Variants in CDH8 observed in about 807,000 individuals in gnomAD.
CDH8 encodes cadherin-8.
In CDH8, 17 loss-of-function variants were observed where a neutral mutation model predicts 68.1. The observed-to-expected ratio is 0.25, with a 90% CI of 0.17 to 0.37. CDH8 has a LOEUF of 0.37. Ranked by LOEUF, CDH8 falls within the 10% of genes least tolerant of loss-of-function variation. CDH8 has a pLI of 1.00. For missense variants in CDH8, 763 were observed against 999.3 expected (o/e 0.76, Z 3.19); for synonymous variants, 372 against 365.1 (o/e 1.02, Z -0.21).
At chr16:61,773,536 T>C (rs1275380666) in intron 8 of CDH8, among the ~76,000 whole-genome samples, 1 of 152,034 alleles carries the variant, frequency 6.6e-6, no homozygotes, top group East Asian at 1.9e-4. Context: ...TACTATGTTT[T>C]TGGCAAGAAT....
At chr16:61,716,907 T>C (rs764965620) in intron 9 of CDH8, among the ~76,000 whole-genome samples, 1 of 151,688 alleles carries the variant, frequency 6.6e-6, no homozygotes, top group African/African-American at 2.4e-5. Flanking sequence ...GAAATAACTT[T>C]TGAATGCACT....
At chr16:61,850,644 C>A (rs752820503) in intron 4 of CDH8, among the ~76,000 whole-genome samples, 33 of 151,964 alleles carry the variant, frequency 2.2e-4, no homozygotes, top group Non-Finnish European at 3.4e-4. Flanking sequence ...TCACCCTGAT[C>A]ACCAATTTAT....
rs538933369 is a variant in CDH8, at chr16:61,702,385, AAAAAAAG to A, written c.1654+11449_1654+11455del. 7.9e-5 allele frequency among the ~76,000 whole-genome samples: 12 copies of A among 152,050 alleles called. No individual in the cohort carries two copies. The South Asian group carries it at 1.2e-3, about 16-fold the overall frequency. ...AGACTCCGTCTCAAAAAAAGAAAAA[AAAAAAAG>A]AAAAAAGAAAAATAAGTCAGTCATA... On this transcript the variant is annotated intron_variant, in intron 10 of 11. Transcript: ENST00000577390.
chr16:61,897,393 C>T (rs1010115039), intron 3 of CDH8, among the ~76,000 whole-genome samples: 1 of 152,136 alleles, frequency 6.6e-6, no homozygotes, highest in African/African-American at 2.4e-5. Context: ...GCTGGGATTA[C>T]AGGCATATGC....
At chr16:61,875,402 G>C (rs1963441391) in intron 3 of CDH8, among the ~76,000 whole-genome samples, 1 of 152,066 alleles carries the variant, frequency 6.6e-6, no homozygotes, top group Non-Finnish European at 1.5e-5. Flanking sequence ...CTGAGGGCAA[G>C]ACCCAGAAGC....
intron 2 of CDH8, among the ~76,000 whole-genome samples, chr16:62,002,466 T>C (rs1243625433): frequency 6.6e-6 from 1 of 152,222 alleles, no homozygotes; most frequent in African/African-American, 2.4e-5. Context: ...TACATGAGTG[T>C]ATACCTCATA....
chr16:61,793,266 GA>G (rs1483756539), intron 7 of CDH8, among the ~76,000 whole-genome samples: 3 of 151,510 alleles, frequency 2.0e-5, no homozygotes, highest in Admixed American at 1.3e-4. Flanking sequence ...AACTTTATTT[GA>G]AGTTCAGAGT....
At chr16:61,993,692 C>G (rs969747920) in intron 2 of CDH8, among the ~76,000 whole-genome samples, 10 of 152,164 alleles carry the variant, frequency 6.6e-5, no homozygotes, top group Non-Finnish European at 1.5e-4. Context: ...GAAGCAACTA[C>G]TGTTATCAAG....
intron 2 of CDH8, among the ~76,000 whole-genome samples, chr16:61,935,119 G>A (rs183842427): frequency 6.6e-6 from 1 of 152,264 alleles, no homozygotes; most frequent in African/African-American, 2.4e-5. Context: ...TGACATTATT[G>A]ATGATAATAC....
intron 2 of CDH8, among the ~76,000 whole-genome samples, chr16:62,017,895 C>T (rs1175710836): frequency 6.6e-6 from 1 of 152,106 alleles, no homozygotes; most frequent in Non-Finnish European, 1.5e-5. Context: ...ATCACCTCCA[C>T]ACTATACAAC....
At chr16:62,032,248 G>A (rs796431197) in intron 1 of CDH8, among the ~76,000 whole-genome samples, 7 of 152,258 alleles carry the variant, frequency 4.6e-5, no homozygotes, top group African/African-American at 1.7e-4. Flanking sequence ...AAATGGCAAA[G>A]GGAACATGAT....
At chr16:61,827,677 A>AT (rs1255322467) in intron 4 of CDH8, among the ~76,000 whole-genome samples, 9 of 151,964 alleles carry the variant, frequency 5.9e-5, no homozygotes, top group Non-Finnish European at 2.9e-5. Flanking sequence ...AAATAGGACA[A>AT]GAAATGCTCC....
At chr16:61,960,306 T>TAC (rs1196528029) in intron 2 of CDH8, among the ~76,000 whole-genome samples, 1 of 95,006 alleles carries the variant, frequency 1.1e-5, no homozygotes, top group Non-Finnish European at 1.9e-5. Context: ...TGTGTGTGTA[T>TAC]ACACACATAT....
intron 2 of CDH8, among the ~76,000 whole-genome samples, chr16:61,980,097 C>T (rs1443198891): frequency 1.3e-5 from 2 of 152,216 alleles, no homozygotes; most frequent in African/African-American, 4.8e-5. Flanking sequence ...GAGGGAAAGC[C>T]CACACAGGGT....
intron 3 of CDH8, among the ~76,000 whole-genome samples, chr16:61,862,932 G>T (rs1963178312): frequency 6.6e-6 from 1 of 152,074 alleles, no homozygotes; most frequent in Non-Finnish European, 1.5e-5. Context: ...TTGTCCCTTT[G>T]TCAAGGATAC....
intron 3 of CDH8, among the ~76,000 whole-genome samples, chr16:61,897,560 T>A (rs901461244): frequency 6.6e-6 from 1 of 152,228 alleles, no homozygotes; most frequent in Non-Finnish European, 1.5e-5. Context: ...ATAAGACACA[T>A]GACTTACATA....
chr16:61,781,782 T>C (rs1961063049), intron 8 of CDH8, among the ~76,000 whole-genome samples: 2 of 152,204 alleles, frequency 1.3e-5, no homozygotes, highest in South Asian at 4.1e-4. Flanking sequence ...GGCTTCAACA[T>C]GGTAAATTAC....
At chr16:61,821,538 C>T (rs1336048906) in intron 5 of CDH8, among the ~76,000 whole-genome samples, 2 of 152,024 alleles carry the variant, frequency 1.3e-5, no homozygotes, top group Non-Finnish European at 2.9e-5. Flanking sequence ...CAATGTGTAA[C>T]ACACTGGAAG....
At chr16:62,015,812 G>A (rs996943203) in intron 2 of CDH8, among the ~76,000 whole-genome samples, 7 of 152,094 alleles carry the variant, frequency 4.6e-5, no homozygotes, top group Non-Finnish European at 8.8e-5. Context: ...CTACCAATGT[G>A]AGAATACAAG....
Sources: gnomAD v4.1 joint callset for allele counts (sites outside exome capture counted in the v4.1 genomes callset) on GRCh38, gnomAD v4.1.1 for gene constraint, MANE v1.5 for transcripts, NCBI Gene and HGNC (gene_info 2026-07-23, HGNC 2026-07-21) for gene names.